Variants in RUBCN observed in about 807,000 individuals in gnomAD.
RUBCN encodes the protein rubicon autophagy regulator, also known as run domain Beclin-1-interacting and cysteine-rich domain-containing protein.
A neutral mutation model predicts 113.2 loss-of-function variants in RUBCN; 74 were observed. That is an observed-to-expected ratio of 0.65 (90% CI 0.54 to 0.79). RUBCN has a LOEUF of 0.79. Among genes scored for constraint, RUBCN ranks in the 30% least tolerant of loss-of-function variants. The pLI is 0.00. For synonymous variants in RUBCN, 480 were observed against 490.0 expected (o/e 0.98, Z 0.27); for missense variants, 1,109 against 1,251.7 (o/e 0.89, Z 1.72).
At position 197,726,042 on chromosome 3, in the gene RUBCN, C is replaced by G. The variant is rs1484692416; in HGVS notation, c.66-7912G>C. On this transcript the variant is annotated intron_variant, in intron 1 of 19. Transcript: ENST00000296343. ...CCCATTCAGGGATTCAGGTCCAGCT[C>G]TAATTCAACTTTCTCTAAAAAGGTT... Among the ~76,000 whole-genome samples the G allele has an allele frequency of 2.0e-5, 3 of 152,184 alleles. No individual in the cohort carries two copies. The South Asian group carries it at 6.2e-4, about 31-fold the overall frequency.
intron 2 of RUBCN, among the ~76,000 whole-genome samples, chr3:197,705,452 C>T (rs1417722418): frequency 6.6e-6 from 1 of 151,572 alleles, no homozygotes; most frequent in Non-Finnish European, 1.5e-5. Context: ...TTAGTCCCAG[C>T]TACTCAGGAG....
At chr3:197,717,045 C>T (rs889144378) in intron 2 of RUBCN, among the ~76,000 whole-genome samples, 1 of 152,048 alleles carries the variant, frequency 6.6e-6, no homozygotes, top group African/African-American at 2.4e-5. Flanking sequence ...TGCTTGAACC[C>T]GGGAGGTCGA....
chr3:197,691,513 C>T (rs190141848), intron 11 of RUBCN, among the ~76,000 whole-genome samples: 3 of 152,270 alleles, frequency 2.0e-5, no homozygotes, highest in African/African-American at 7.2e-5. Context: ...TCCGTCACAG[C>T]AAAGAATGAT....
chr3:197,740,840 C>T (rs1389498138), upstream of RUBCN, among the ~76,000 whole-genome samples: 2 of 151,982 alleles, frequency 1.3e-5, no homozygotes, highest in African/African-American at 2.4e-5. Context: ...AGGCTGGTCT[C>T]GAACTTCTGA....
At chr3:197,711,694 A>T (rs1268076031) in intron 2 of RUBCN, among the ~76,000 whole-genome samples, 2 of 152,144 alleles carry the variant, frequency 1.3e-5, no homozygotes, top group African/African-American at 4.8e-5. Context: ...TAAAAAAAAA[A>T]ATTCTCTGTA....
Position 197,677,539 on chromosome 3 carries a change from C to G in RUBCN, c.2433G>C (p.Leu811=). 1 of 1,614,052 alleles carries G rather than the reference C, an allele frequency of 6.2e-7. No homozygotes were observed. Among genetic ancestry groups the G allele is most frequent in the Non-Finnish European group, 8.5e-7 (1 of 1,180,010 alleles). Residue 811 remains leucine, a splice_region_variant and synonymous_variant, in exon 17 of 20, where the codon CTG becomes CTC. Transcript: ENST00000296343. ...RKVKLLNQVR[L]LRVQLCHMKN... is the part of the protein sequence containing the mutation. The stretch of plus-strand genomic sequence containing the variant: ...TCATGTGACACAGCTGGACCCGCAG[C>G]AGCTGAAAAGAAAGAGAGGGGGGCA...
chr3:197,717,163 G>A (rs1016826522), intron 2 of RUBCN, among the ~76,000 whole-genome samples: 6 of 148,636 alleles, frequency 4.0e-5, no homozygotes, highest in African/African-American at 1.0e-4. Flanking sequence ...AGCTGGGTGC[G>A]GTGGCTCACG....
Position 197,745,737 on chromosome 3 carries a change from C to T in RUBCN, c.-116+3532G>A, listed in dbSNP as rs969351340. Reference sequence around the variant, plus strand: ...TGAAAAAGGAGCCAGAAAGTGTTAACAGAAAACTATGAGGTTGAGCTGGGC... The same window carrying T: ...TGAAAAAGGAGCCAGAAAGTGTTAATAGAAAACTATGAGGTTGAGCTGGGC... On this transcript the variant is annotated intron_variant, in intron 1 of 20. Transcript: ENST00000273582. Among the ~76,000 whole-genome samples, 3 of 151,640 alleles carry T rather than the reference C, an allele frequency of 2.0e-5. No individual in the cohort carries two copies. In the East Asian group the frequency reaches 5.9e-4, roughly 30 times the overall value.
At chr3:197,737,057 G>C, upstream of RUBCN, 1 of 630,844 alleles carries the variant, frequency 1.6e-6, no homozygotes, top group Non-Finnish European at 2.1e-6. Flanking sequence ...CCAATCCCAG[G>C]CCGCTCCCGC....
chr3:197,683,073 A>G lies in RUBCN; in HGVS notation c.1980+234T>C, dbSNP rs1721432380. 6.6e-6 allele frequency among the ~76,000 whole-genome samples: 1 copy of G among 152,228 alleles called. No individual in the cohort carries two copies. On this transcript the variant is annotated intron_variant, in intron 13 of 19. Transcript: ENST00000296343. This position sits in a 1 kb window ranked among gnomAD's most constrained non-coding sequence, Gnocchi z 4.6. The stretch of plus-strand genomic sequence containing the variant: ...GGTGGTCACAAACCAAACATGACTG[A>G]GTCTGGCGAGCAGTCACGTGAATAA...
intron 11 of RUBCN, among the ~76,000 whole-genome samples, chr3:197,693,242 C>T (rs1181703548): frequency 6.6e-6 from 1 of 152,208 alleles, no homozygotes; most frequent in African/African-American, 2.4e-5. Flanking sequence ...CAGTGAGCAC[C>T]GACCGCAAGG....
intron 8 of RUBCN, among the ~76,000 whole-genome samples, chr3:197,696,649 A>C (rs1560427837): frequency 1.4e-5 from 2 of 144,490 alleles, no homozygotes; most frequent in African/African-American, 5.5e-5. Flanking sequence ...AGATACTCCA[A>C]GGCCTCTTTT....
Position 197,683,488 on chromosome 3 carries a change from G to A in RUBCN, c.1848-49C>T, listed in dbSNP as rs201164359. 882 of 1,608,328 alleles carry A rather than the reference G, an allele frequency of 5.5e-4. 3 individuals carry two copies. The highest frequency in any genetic ancestry group is 1.5e-3 in the Admixed American group (87 of 59,804). On this transcript the variant is annotated intron_variant, in intron 12 of 19. Coordinates refer to ENST00000296343, the MANE Select transcript of RUBCN (RefSeq NM_014687.4). This position sits in a 1 kb window ranked among gnomAD's most constrained non-coding sequence, Gnocchi z 4.6. ...GGCTGAACACAGGGAAAGGATGGGC[G>A]ATGCGAGGCTTCCCTTCATGATCTC...
At chr3:197,749,327 A>T (rs1728901141) in exon 1 of RUBCN, 1 of 1,150,052 alleles carries the variant, frequency 8.7e-7, no homozygotes, top group African/African-American at 1.6e-5. Context: ...AGATGTTTTG[A>T]GAGTGCCGAT....
intron 2 of RUBCN, among the ~76,000 whole-genome samples, chr3:197,711,651 A>G (rs1229975115): frequency 6.6e-6 from 1 of 152,106 alleles, no homozygotes; most frequent in Non-Finnish European, 1.5e-5. Context: ...TGGGCAACAT[A>G]GTGAGACCCT....
In RUBCN at chr3:197,717,995, G is replaced by A. The variant is rs367584242; in HGVS notation, c.201C>T (p.His67=). Reference sequence around the variant, plus strand: ...TGCATACCTGGTCACGGATAAGCCCGTGATAGAGGATGCTCTGCATGTCCC... The same window carrying A: ...TGCATACCTGGTCACGGATAAGCCCATGATAGAGGATGCTCTGCATGTCCC... ...LCRDMQSILY[H]GLIRDQACRR... Residue 67 remains histidine (H), a synonymous_variant, in exon 2 of 20, where the codon CAC becomes CAT. Coordinates refer to ENST00000296343, the MANE Select transcript of RUBCN (RefSeq NM_014687.4). 1.9e-5 allele frequency: 31 copies of A among 1,613,896 alleles called. No individual in the cohort carries two copies. Among genetic ancestry groups the A allele is most frequent in the African/African-American group, 1.3e-5 (1 of 74,916 alleles).
At chr3:197,703,424 A>T (rs1385584242) in intron 5 of RUBCN, 124 bp downstream of exon 5, 1 of 436,576 alleles carries the variant, frequency 2.3e-6, no homozygotes, top group Non-Finnish European at 4.2e-6. Flanking sequence ...AAAAAAAAAA[A>T]AAAAAAAATG....
chr3:197,701,587 C>A (rs1723677338), intron 6 of RUBCN, 121 bp downstream of exon 6: 8 of 816,162 alleles, frequency 9.8e-6, no homozygotes, highest in East Asian at 2.6e-5. Flanking sequence ...TAAAGATGTC[C>A]CTTATTAAGA....
intron 5 of RUBCN, among the ~76,000 whole-genome samples, chr3:197,702,072 T>C (rs1723741911): frequency 6.6e-6 from 1 of 152,206 alleles, no homozygotes; most frequent in Non-Finnish European, 1.5e-5. Flanking sequence ...ACTGGAATCC[T>C]TCCAGGTGTT....
Sources: allele counts gnomAD v4.1 joint callset (sites outside exome capture counted in the v4.1 genomes callset), GRCh38; gene constraint gnomAD v4.1.1; non-coding constraint Gnocchi (gnomAD v3.1); transcripts MANE v1.5; gene names NCBI Gene and HGNC (gene_info 2026-07-23, HGNC 2026-07-21).